Variants in SLC18A1 observed in about 807,000 individuals in gnomAD.
The protein encoded by SLC18A1 is chromaffin granule amine transporter.
A neutral mutation model predicts 53.7 loss-of-function variants in SLC18A1; 69 were observed. The ratio of observed to expected loss-of-function variants is 1.28; its 90% CI spans 1.06 to 1.57. The LOEUF (loss-of-function observed/expected upper bound fraction) is 1.57. SLC18A1 is among the 40% of genes most tolerant of loss of function. The pLI is 0.00. For synonymous variants in SLC18A1, 320 were observed against 248.1 expected, an observed-to-expected ratio of 1.29 and a Z score of -2.72; for missense variants, 932 against 668.1, an observed-to-expected ratio of 1.40 and a Z score of -4.35.
chr8:20,160,774 C>G (rs1466819594), intron 10 of SLC18A1, among the ~76,000 whole-genome samples: 1 of 152,066 alleles, frequency 6.6e-6, no homozygotes, highest in Non-Finnish European at 1.5e-5. Flanking sequence ...ATGCTGGAAG[C>G]TGGGAATCGC....
At chr8:20,170,085 T>C (rs1385492306) in intron 8 of SLC18A1, among the ~76,000 whole-genome samples, 2 of 152,136 alleles carry the variant, frequency 1.3e-5, no homozygotes, top group Non-Finnish European at 2.9e-5. Context: ...TATTTGGTGC[T>C]CCTTGCCCTG....
intron 10 of SLC18A1, among the ~76,000 whole-genome samples, chr8:20,163,161 G>C (rs1446049625): frequency 7.9e-5 from 12 of 152,122 alleles, no homozygotes; most frequent in Non-Finnish European, 1.3e-4. Context: ...CATGGCCAAA[G>C]GGGGTCACAT....
At chr8:20,181,601 A>T (rs540800285) in intron 1 of SLC18A1, 1 of 152,280 alleles carries the variant, frequency 6.6e-6, no homozygotes, top group South Asian at 2.1e-4. Flanking sequence ...TTTTAAAACC[A>T]ACATAGATAT....
At chr8:20,180,108 TTG>T (rs112531759) in intron 2 of SLC18A1, among the ~76,000 whole-genome samples, 3,285 of 146,040 alleles carry the variant, frequency 0.022, 44 homozygotes, top group Admixed American at 0.045. Flanking sequence ...AAGATTATAA[TTG>T]TGTGTGTGTG....
intron 10 of SLC18A1, among the ~76,000 whole-genome samples, chr8:20,151,668 G>A (rs947963875): frequency 6.6e-6 from 1 of 152,202 alleles, no homozygotes; most frequent in African/African-American, 2.4e-5. Context: ...TGACAGTAGA[G>A]GGAAGTGTTC....
intron 12 of SLC18A1, chr8:20,148,490 G>T (rs1482216110): frequency 7.8e-7 from 1 of 1,287,274 alleles, no homozygotes. Context: ...TCACTGAAAG[G>T]TTTCATTTAG....
chr8:20,180,086 T>C (rs924716014), intron 2 of SLC18A1, among the ~76,000 whole-genome samples: 1 of 148,888 alleles, frequency 6.7e-6, no homozygotes, highest in Non-Finnish European at 1.5e-5. Context: ...TGTACCACGA[T>C]GTTTAAGATT....
intron 4 of SLC18A1, among the ~76,000 whole-genome samples, chr8:20,177,706 C>G (rs1663745530): frequency 6.6e-6 from 1 of 152,152 alleles, no homozygotes; most frequent in Non-Finnish European, 1.5e-5. Context: ...AGCAGAGGTT[C>G]AGCAGGGCCA....
intron 15 of SLC18A1, among the ~76,000 whole-genome samples, 175 bp from the exon 16 acceptor site, chr8:20,146,051 A>G (rs929250309): frequency 7.9e-5 from 12 of 151,806 alleles, no homozygotes; most frequent in Non-Finnish European, 1.3e-4. Context: ...GAGTAGCTGG[A>G]ACTACAGGCG....
At chr8:20,165,474 T>C (rs2071933915) in intron 8 of SLC18A1, among the ~76,000 whole-genome samples, 3 of 152,150 alleles carry the variant, frequency 2.0e-5, no homozygotes, top group Admixed American at 1.3e-4. Flanking sequence ...TCCCTGGTAC[T>C]AATATTTGTC....
rs750869523 is a variant in SLC18A1 at position 20,148,086 on chromosome 8, G to A, written c.1147-16C>T. Reference sequence around the variant, plus strand: ...CCAGAGGAACCTGCATGGGGAAGGAGGAAGAGTCATCAGGACTCCAGATGG... The same window carrying A: ...CCAGAGGAACCTGCATGGGGAAGGAAGAAGAGTCATCAGGACTCCAGATGG... On this transcript the variant is annotated splice_polypyrimidine_tract_variant and intron_variant, in intron 12 of 15. Coordinates refer to ENST00000276373, the MANE Select transcript of SLC18A1 (RefSeq NM_003053.4). 11 of 1,613,528 alleles carry A rather than the reference G, an allele frequency of 6.8e-6. No individual in the cohort carries two copies. In the African/African-American group the frequency reaches 1.2e-4, roughly 18 times the overall value.
At chr8:20,149,364 C>G (rs1443714129) in intron 12 of SLC18A1, among the ~76,000 whole-genome samples, 15 of 151,978 alleles carry the variant, frequency 9.9e-5, no homozygotes, top group Non-Finnish European at 2.1e-4. Flanking sequence ...TTCATATGCC[C>G]ACATGTACAG....
In SLC18A1 at chr8:20,158,987, G is replaced by C. The variant is rs186185612; in HGVS notation, c.1015+5882C>G. ...CTACTAACTGTTGGATGTACCTCCC[G>C]CTGCACTTTAGGCTATACATTTCAA... On this transcript the variant is annotated intron_variant, in intron 10 of 15. Coordinates refer to ENST00000276373, the MANE Select transcript of SLC18A1 (RefSeq NM_003053.4). Among the ~76,000 whole-genome samples, 78 of 152,172 alleles carry C rather than the reference G, an allele frequency of 5.1e-4. 1 individual carries two copies. The highest frequency in any genetic ancestry group is 1.6e-3 in the African/African-American group (65 of 41,516).
chr8:20,171,711 C>T lies in SLC18A1; in HGVS notation c.725-217G>A, dbSNP rs576619167. 1.0e-3 allele frequency among the ~76,000 whole-genome samples: 152 copies of T among 145,988 alleles called. 1 individual carries two copies. Among genetic ancestry groups the T allele is most frequent in the African/African-American group, 3.4e-4 (13 of 38,250 alleles). On this transcript the variant is annotated intron_variant, in intron 6 of 15. Coordinates refer to ENST00000276373, the MANE Select transcript of SLC18A1 (RefSeq NM_003053.4). ...GTGTGTGTGTGTGTGTGTGCGCGCG[C>T]GTGTGTGTATGTATGTGTGTGTGTG...
At position 20,160,637 on chromosome 8, in the gene SLC18A1, T is replaced by C. The variant is rs192789627; in HGVS notation, c.1015+4232A>G. Among the ~76,000 whole-genome samples the C allele has an allele frequency of 3.1e-3, 469 of 152,302 alleles. 7 individuals are homozygous for C. Among genetic ancestry groups the C allele is most frequent in the African/African-American group, 0.011 (458 of 41,566 alleles). ...TTAGGATTCCAGATGAAAATGACTC[T>C]GAAAAATACCTACTTTTTTACAAAT... On this transcript the variant is annotated intron_variant, in intron 10 of 15. Transcript: ENST00000276373.
At chr8:20,154,931 G>A (rs745546643) in intron 10 of SLC18A1, among the ~76,000 whole-genome samples, 3 of 152,220 alleles carry the variant, frequency 2.0e-5, no homozygotes, top group Admixed American at 1.3e-4. Flanking sequence ...ATCCAGCAAG[G>A]CACCCATTGC....
Position 20,145,771 on chromosome 8 carries a change from C to A in SLC18A1, c.1570G>T (p.Glu524Ter), listed in dbSNP as rs200741431. The A allele has an allele frequency of 6.2e-7, 1 of 1,605,326 alleles. No homozygotes were observed. Among genetic ancestry groups the A allele is most frequent in the Non-Finnish European group, 8.5e-7 (1 of 1,175,228 alleles). Residue 524 changes from glutamate (E) to a stop codon, truncating the protein, a stop_gained, in exon 16 of 16, where the codon GAG becomes TAG. Transcript: ENST00000276373. LOFTEE classifies it high-confidence loss of function. ...AGGAGCACCTTCTGCTGCTACTCCT[C>A]ATGGTCAGGCTCCTCATCACTGTCC... ...GEDSDEEPDHEE is the reference protein window; with the variant it reads ...GEDSDEEPDH
chr8:20,155,144 C>G (rs1405029188), intron 10 of SLC18A1, among the ~76,000 whole-genome samples: 1 of 152,158 alleles, frequency 6.6e-6, no homozygotes, highest in South Asian at 2.1e-4. Flanking sequence ...GGTCAGAGAA[C>G]AAAAGGCTCG....
Position 20,150,705 on chromosome 8 carries a change from C to G in SLC18A1, c.1055G>C (p.Gly352Ala). The G allele has an allele frequency of 6.2e-7, 1 of 1,614,114 alleles. No homozygotes were observed. Among genetic ancestry groups the G allele is most frequent in the Middle Eastern group, 1.7e-4 (1 of 6,060 alleles). ...FLPASVSYLI[G>A]TNLFGVLANK... ...GGCCAACACACCAAAGAGGTTGGTG[C>G]CAATGAGGTAGGACACACTGGCAGG... Residue 352 changes from glycine (G) to alanine (A), a missense_variant, in exon 11 of 16, where the codon GGC becomes GCC. Physicochemically the swap from Gly to Ala is moderately conservative, Grantham distance 60. Coordinates refer to ENST00000276373, the MANE Select transcript of SLC18A1 (RefSeq NM_003053.4).
Sources: allele counts gnomAD v4.1 joint callset (sites outside exome capture counted in the v4.1 genomes callset), GRCh38; gene constraint gnomAD v4.1.1; transcripts MANE v1.5; gene names NCBI Gene and HGNC (gene_info 2026-07-23, HGNC 2026-07-21).